Variants in ROR1 observed in about 807,000 individuals in gnomAD.
The protein encoded by ROR1 is ROR family WNT receptor 1, also known as inactive tyrosine-protein kinase transmembrane receptor ROR1.
A neutral mutation model predicts 78.8 loss-of-function variants in ROR1; 19 were observed. The observed-to-expected ratio is 0.24, with a 90% CI of 0.17 to 0.35. The LOEUF is 0.35. Ranked by LOEUF, ROR1 falls within the 10% of genes least tolerant of loss-of-function variation. ROR1 has a pLI of 1.00. For missense variants in ROR1, 917 were observed against 1,177.8 expected, an observed-to-expected ratio of 0.78 and a Z score of 3.24; for synonymous variants, 386 against 433.6, an observed-to-expected ratio of 0.89 and a Z score of 1.36.
chr1:64,078,250 C>T (rs1014329023), intron 4 of ROR1, among the ~76,000 whole-genome samples: 4 of 152,100 alleles, frequency 2.6e-5, no homozygotes, highest in Non-Finnish European at 4.4e-5. Context: ...AAGAAAATGG[C>T]ATGTGAGGGT....
At chr1:63,857,848 A>G (rs1363639439) in intron 1 of ROR1, among the ~76,000 whole-genome samples, 1 of 152,154 alleles carries the variant, frequency 6.6e-6, no homozygotes, top group Non-Finnish European at 1.5e-5. Flanking sequence ...CCCCACCTCC[A>G]AGTCCCCATC....
Position 64,049,873 on chromosome 1 carries a change from C to A in ROR1, c.346C>A (p.Leu116Met). 1 of 1,614,206 alleles carries A rather than the reference C, an allele frequency of 6.2e-7. No individual in the cohort carries two copies. The highest frequency in any genetic ancestry group is 8.5e-7 in the Non-Finnish European group (1 of 1,180,032). Residue 116 changes from leucine to methionine, a missense_variant, in exon 3 of 9, where the codon CTG (leucine) becomes ATG (methionine). Physicochemically the swap from Leu to Met is conservative, Grantham distance 15. Coordinates refer to ENST00000371079, the MANE Select transcript of ROR1 (RefSeq NM_005012.4). ...TCGGTCCACCATCTATGGCTCTCGG[C>A]TGCGGATTAGAAACCTCGACACCAC... is the stretch of plus-strand genomic sequence containing the variant. ...SFRSTIYGSR[L>M]RIRNLDTTDT...
chr1:63,978,624 T>C (rs1646182724), intron 1 of ROR1, among the ~76,000 whole-genome samples: 1 of 152,218 alleles, frequency 6.6e-6, no homozygotes. Context: ...GCTATATCCT[T>C]CTATGATCCA....
chr1:64,137,865 G>A (rs1051780002), intron 5 of ROR1, among the ~76,000 whole-genome samples: 1 of 152,138 alleles, frequency 6.6e-6, no homozygotes, highest in African/African-American at 2.4e-5. Flanking sequence ...GATGTCGACT[G>A]AGAGGGGATG....
intron 4 of ROR1, among the ~76,000 whole-genome samples, chr1:64,051,084 T>C (rs1466691266): frequency 6.6e-6 from 1 of 152,204 alleles, no homozygotes; most frequent in African/African-American, 2.4e-5. Flanking sequence ...GCAAGCATTT[T>C]TGATGAATTC....
intron 1 of ROR1, among the ~76,000 whole-genome samples, chr1:63,977,950 C>T (rs1163058651): frequency 6.6e-6 from 1 of 152,202 alleles, no homozygotes; most frequent in African/African-American, 2.4e-5. Flanking sequence ...TCCTAAGAAA[C>T]TGCCAATTTT....
chr1:63,970,549 C>T (rs1646111209), intron 1 of ROR1, among the ~76,000 whole-genome samples: 1 of 152,068 alleles, frequency 6.6e-6, no homozygotes, highest in Non-Finnish European at 1.5e-5. Context: ...GGCAAACTCA[C>T]ATTGTGTAGT....
chr1:64,052,706 G>A (rs75207413), intron 4 of ROR1, among the ~76,000 whole-genome samples: 3,479 of 152,122 alleles, frequency 0.023, 52 homozygotes, highest in South Asian at 0.035. Context: ...TACATTAGTC[G>A]GTAATAGCAT....
intron 1 of ROR1, among the ~76,000 whole-genome samples, chr1:63,778,945 G>A (rs1207623539): frequency 6.6e-6 from 1 of 152,196 alleles, no homozygotes; most frequent in African/African-American, 2.4e-5. Flanking sequence ...AACAAAGGTG[G>A]TATTTCCCAA....
At chr1:64,169,295 TG>T (rs1449247455) in intron 8 of ROR1, among the ~76,000 whole-genome samples, 1 of 152,206 alleles carries the variant, frequency 6.6e-6, no homozygotes, top group Non-Finnish European at 1.5e-5. Flanking sequence ...AGAGGTTTAA[TG>T]GACTTACAGT....
At chr1:64,043,073 G>T (rs1254663051) in intron 2 of ROR1, among the ~76,000 whole-genome samples, 4 of 152,192 alleles carry the variant, frequency 2.6e-5, no homozygotes, top group Non-Finnish European at 5.9e-5. Flanking sequence ...CGGCTGACTG[G>T]CTGGGTTGCC....
intron 4 of ROR1, among the ~76,000 whole-genome samples, chr1:64,063,887 C>G (rs1275654258): frequency 6.6e-6 from 1 of 152,142 alleles, no homozygotes; most frequent in African/African-American, 2.4e-5. Context: ...GTCCATGCAA[C>G]CAGATAGGAC....
intron 1 of ROR1, among the ~76,000 whole-genome samples, chr1:63,910,875 C>T (rs1331765555): frequency 6.6e-6 from 1 of 152,138 alleles, no homozygotes; most frequent in Non-Finnish European, 1.5e-5. Context: ...AGAGTGATGC[C>T]CTGAAAAAGA....
rs755809255 is a variant in ROR1, at chr1:64,049,878, G to T, written c.351G>T (p.Arg117=). The T allele has an allele frequency of 1.2e-6, 2 of 1,614,220 alleles. No individual in the cohort carries two copies. Among genetic ancestry groups the T allele is most frequent in the African/African-American group, 1.3e-5 (1 of 75,052 alleles). ...FRSTIYGSRL[R]IRNLDTTDTG... ...CCACCATCTATGGCTCTCGGCTGCG[G>T]ATTAGAAACCTCGACACCACAGACA... The change falls in exon 3 of 9, where the codon CGG becomes CGT. Residue 117 remains arginine, a synonymous_variant. Coordinates refer to ENST00000371079, the MANE Select transcript of ROR1 (RefSeq NM_005012.4).
At chr1:64,095,474 T>G (rs1463204641) in intron 4 of ROR1, among the ~76,000 whole-genome samples, 1 of 152,180 alleles carries the variant, frequency 6.6e-6, no homozygotes, top group African/African-American at 2.4e-5. Flanking sequence ...GAATGCCATG[T>G]TAATTCCCAT....
chr1:64,140,447 T>G, intron 6 of ROR1, 21 bp downstream of exon 6: 6 of 1,605,836 alleles, frequency 3.7e-6, no homozygotes, highest in Non-Finnish European at 5.1e-6. Context: ...GCCCCTGACC[T>G]TCTGTGCTCT....
intron 1 of ROR1, among the ~76,000 whole-genome samples, chr1:63,800,909 T>C (rs1644793062): frequency 6.6e-6 from 1 of 152,146 alleles, no homozygotes; most frequent in Admixed American, 6.5e-5. Flanking sequence ...AATTAACCTT[T>C]TTAATCTCAG....
At chr1:64,122,386 G>T (rs1479239288) in intron 4 of ROR1, among the ~76,000 whole-genome samples, 2 of 152,130 alleles carry the variant, frequency 1.3e-5, no homozygotes, top group Admixed American at 6.5e-5. Flanking sequence ...ATTTCTGAGG[G>T]TATCATTGGT....
At chr1:63,992,227 A>G (rs1646302284) in intron 1 of ROR1, among the ~76,000 whole-genome samples, 2 of 151,658 alleles carry the variant, frequency 1.3e-5, no homozygotes, top group African/African-American at 4.8e-5. Context: ...ATTTTTTGAG[A>G]TGGAGTCTTG....
Sources: gnomAD v4.1 joint callset for allele counts (sites outside exome capture counted in the v4.1 genomes callset) on GRCh38, gnomAD v4.1.1 for gene constraint, MANE v1.5 for transcripts, NCBI Gene and HGNC (gene_info 2026-07-23, HGNC 2026-07-21) for gene names.